The following CCNC variants were observed in gnomAD, a reference collection of about 807,000 sequenced individuals.
The protein encoded by CCNC is cyclin-C.
CCNC carries 19 observed loss-of-function variants against 50.0 expected under a neutral mutation model. That is an observed-to-expected ratio of 0.38 (90% CI 0.27 to 0.56). The LOEUF (loss-of-function observed/expected upper bound fraction) is 0.56, where lower values mean the gene tolerates loss of function less well. Among genes scored for constraint, CCNC ranks in the 20% least tolerant of loss-of-function variants. The pLI is 0.72. For synonymous variants in CCNC, 93 were observed against 103.7 expected (o/e 0.90, Z 0.63); for missense variants, 200 against 327.1 (o/e 0.61, Z 3.00).
intron 6 of CCNC, among the ~76,000 whole-genome samples, 194 bp from the exon 7 acceptor site, chr6:99,551,222 A>G (rs1246220656): frequency 6.6e-6 from 1 of 152,132 alleles, no homozygotes; most frequent in Non-Finnish European, 1.5e-5. Context: ...TTAGAAATGC[A>G]ATTATGATTA....
At chr6:99,553,767 G>C (rs938181185) in intron 5 of CCNC, among the ~76,000 whole-genome samples, 1 of 152,068 alleles carries the variant, frequency 6.6e-6, no homozygotes, top group Non-Finnish European at 1.5e-5. Context: ...CCAGCCTCCA[G>C]AACTGTGAGA....
At chr6:99,565,567 C>G (rs922626150) in intron 1 of CCNC, among the ~76,000 whole-genome samples, 1 of 151,898 alleles carries the variant, frequency 6.6e-6, no homozygotes, top group Non-Finnish European at 1.5e-5. Context: ...TTCTATATCT[C>G]CTTTGTATCA....
chr6:99,568,139 G>A (rs1769231766), intron 1 of CCNC: 1 of 294,666 alleles, frequency 3.4e-6, no homozygotes, highest in Admixed American at 4.7e-5. Flanking sequence ...TCCTGAACAG[G>A]TAGCCTCACA....
intron 11 of CCNC, chr6:99,544,014 C>CAAA: frequency 1.5e-5 from 15 of 1,027,306 alleles, no homozygotes; most frequent in East Asian, 3.8e-5. Context: ...AAGTGTTCTT[C>CAAA]AAAAAAAAAA....
chr6:99,549,668 C>G, intron 8 of CCNC, 93 bp from the exon 9 acceptor site: 2 of 784,610 alleles, frequency 2.5e-6, no homozygotes, highest in South Asian at 1.6e-5. Flanking sequence ...CCCATCTTTG[C>G]ACACATTTAT....
At chr6:99,550,142 A>G in intron 8 of CCNC, 76 bp downstream of exon 8, 2 of 1,023,904 alleles carry the variant, frequency 2.0e-6, no homozygotes, top group South Asian at 2.9e-5. Flanking sequence ...CTTTAAAAAT[A>G]CTTAACTTCA....
upstream of CCNC, chr6:99,568,796 A>G (rs1769276809): frequency 1.9e-6 from 2 of 1,051,968 alleles, no homozygotes; most frequent in African/African-American, 1.6e-5. Flanking sequence ...TGACCCTTGG[A>G]GGTGCTGAGA....
chr6:99,563,015 T>TG, intron 1 of CCNC, 67 bp from the exon 2 acceptor site: 1 of 959,980 alleles, frequency 1.0e-6, no homozygotes, highest in Non-Finnish European at 1.6e-6. Flanking sequence ...ATTGAACACA[T>TG]TGTTCATATT....
intron 11 of CCNC, among the ~76,000 whole-genome samples, chr6:99,544,551 C>T (rs1232084630): frequency 6.6e-6 from 1 of 152,058 alleles, no homozygotes; most frequent in African/African-American, 2.4e-5. Flanking sequence ...AAAACACACA[C>T]ATACACCCCA....
At chr6:99,558,827 G>C (rs966382833) in intron 4 of CCNC, among the ~76,000 whole-genome samples, 1 of 152,068 alleles carries the variant, frequency 6.6e-6, no homozygotes, top group Non-Finnish European at 1.5e-5. Context: ...GCATTCCTTT[G>C]AATGTCATGT....
rs987293533 is a variant in CCNC, at chr6:99,568,562, C to A, written c.-35G>T. 3.1e-6 allele frequency: 5 copies of A among 1,606,370 alleles called. No homozygotes were observed. Among genetic ancestry groups the A allele is most frequent in the African/African-American group, 2.7e-5 (2 of 74,560 alleles). ...CTTGCCCTGATAAAAAAGCACCAGCCGGCGGAGCGGCCCGCGGAGCGACCA... is the reference window on the plus strand; with the variant it reads ...CTTGCCCTGATAAAAAAGCACCAGCAGGCGGAGCGGCCCGCGGAGCGACCA... On this transcript the variant is annotated 5_prime_UTR_variant, in exon 1 of 12. Coordinates refer to ENST00000520429, the MANE Select transcript of CCNC (RefSeq NM_005190.4).
chr6:99,558,642 C>A, intron 4 of CCNC, 94 bp from the exon 5 acceptor site: 1 of 1,174,058 alleles, frequency 8.5e-7, no homozygotes. Flanking sequence ...TGTTTACAAT[C>A]TGTTCACCTT....
chr6:99,557,351 T>A (rs1268899247), intron 5 of CCNC: 1 of 152,086 alleles, frequency 6.6e-6, no homozygotes, highest in African/African-American at 2.4e-5. Flanking sequence ...GATAATGATG[T>A]TGTTGTCATT....
chr6:99,548,878 T>C (rs1266043802), intron 9 of CCNC, among the ~76,000 whole-genome samples: 2 of 151,964 alleles, frequency 1.3e-5, no homozygotes, highest in Admixed American at 6.6e-5. Flanking sequence ...TAACAGGCAT[T>C]ATTTGGTGCT....
At chr6:99,547,938 A>G (rs1412071651) in intron 9 of CCNC, among the ~76,000 whole-genome samples, 1 of 152,152 alleles carries the variant, frequency 6.6e-6, no homozygotes, top group Non-Finnish European at 1.5e-5. Context: ...ACATGTGGGT[A>G]TTGAGGGAGA....
intron 11 of CCNC, among the ~76,000 whole-genome samples, chr6:99,544,896 T>C (rs941658659): frequency 1.3e-5 from 2 of 152,150 alleles, no homozygotes; most frequent in Non-Finnish European, 2.9e-5. Context: ...ACCTGTAATA[T>C]ACCTCCACTG....
intron 5 of CCNC, 181 bp downstream of exon 5, chr6:99,558,316 T>A (rs888535234): frequency 3.3e-5 from 27 of 821,998 alleles, no homozygotes; most frequent in Non-Finnish European, 3.4e-5. Flanking sequence ...TATATCTTTT[T>A]AAAAAAAAAC....
chr6:99,558,138 A>T, intron 5 of CCNC: 1 of 278,916 alleles, frequency 3.6e-6, no homozygotes. Flanking sequence ...TTGCACATAG[A>T]TATTAATATC....
intron 9 of CCNC, among the ~76,000 whole-genome samples, chr6:99,548,275 CCCTT>C (rs1312458667): frequency 5.3e-5 from 8 of 152,064 alleles, no homozygotes; most frequent in African/African-American, 1.7e-4. Flanking sequence ...GTTCTGTTAT[CCCTT>C]CCTTCCTACC....
Sources: allele counts gnomAD v4.1 joint callset (sites outside exome capture counted in the v4.1 genomes callset), GRCh38; gene constraint gnomAD v4.1.1; transcripts MANE v1.5; gene names NCBI Gene and HGNC (gene_info 2026-07-23, HGNC 2026-07-21).